Variants in PLPPR5 observed in about 807,000 individuals in gnomAD.
PLPPR5 encodes the protein phospholipid phosphatase related 5.
Under a neutral mutation model 33.9 loss-of-function variants are expected in PLPPR5, and 16 were observed. The observed-to-expected ratio is 0.47, with a 90% confidence interval of 0.32 to 0.72. PLPPR5 has a LOEUF of 0.72. Ranked by LOEUF, PLPPR5 falls within the 30% of genes least tolerant of loss-of-function variation. The pLI is 0.03. For synonymous variants in PLPPR5, 163 were observed against 150.3 expected (o/e 1.08, Z -0.62); for missense variants, 301 against 406.7 (o/e 0.74, Z 2.23).
At chr1:98,945,051 A>G (rs928390128) in intron 3 of PLPPR5, among the ~76,000 whole-genome samples, 1 of 152,194 alleles carries the variant, frequency 6.6e-6, no homozygotes, top group African/African-American at 2.4e-5. Context: ...ATTACCTACC[A>G]TGGAGTTCTA....
chr1:98,920,592 C>A (rs1204800900), intron 4 of PLPPR5, among the ~76,000 whole-genome samples: 3 of 13,674 alleles, frequency 2.2e-4, no homozygotes, highest in Non-Finnish European at 2.2e-4. Flanking sequence ...AGTGGTATCA[C>A]CAAAAAAAAA....
chr1:98,970,180 G>A (rs1227444869), intron 1 of PLPPR5, among the ~76,000 whole-genome samples: 1 of 151,916 alleles, frequency 6.6e-6, no homozygotes, highest in Non-Finnish European at 1.5e-5. Flanking sequence ...GATTACATAG[G>A]AAATCCTTAT....
At chr1:98,937,589 T>C (rs1337130598) in intron 3 of PLPPR5, among the ~76,000 whole-genome samples, 2 of 152,062 alleles carry the variant, frequency 1.3e-5, no homozygotes, top group Non-Finnish European at 2.9e-5. Context: ...TAGGCTGTTG[T>C]GGTCTTCACC....
intron 3 of PLPPR5, among the ~76,000 whole-genome samples, chr1:98,925,750 G>C (rs1037463032): frequency 6.6e-6 from 1 of 152,164 alleles, no homozygotes; most frequent in Admixed American, 6.5e-5. Context: ...GCTGTGCTAG[G>C]TTTCTTCAAA....
chr1:98,991,404 T>G (rs1046289774), intron 1 of PLPPR5: 17 of 152,132 alleles, frequency 1.1e-4, no homozygotes, highest in Admixed American at 1.1e-3. Context: ...CACTTTCTAC[T>G]CCATTTTCTA....
At chr1:98,966,769 T>C (rs1651463959) in intron 1 of PLPPR5, among the ~76,000 whole-genome samples, 1 of 152,274 alleles carries the variant, frequency 6.6e-6, no homozygotes, top group Admixed American at 6.5e-5. Context: ...AAGAAACACA[T>C]GAAGCTGCCA....
chr1:98,958,373 T>G (rs1422473019), intron 1 of PLPPR5, among the ~76,000 whole-genome samples: 3 of 151,424 alleles, frequency 2.0e-5, no homozygotes, highest in African/African-American at 7.2e-5. Context: ...CTTTCATCCT[T>G]CTTTCTACCC....
chr1:98,963,953 G>A (rs1227434631), intron 1 of PLPPR5, among the ~76,000 whole-genome samples: 2 of 152,096 alleles, frequency 1.3e-5, no homozygotes, highest in Non-Finnish European at 2.9e-5. Context: ...ATGTCTTCAT[G>A]TCTTCTTTGC....
intron 1 of PLPPR5, among the ~76,000 whole-genome samples, chr1:98,994,697 T>C (rs921179726): frequency 1.3e-4 from 20 of 152,122 alleles, no homozygotes; most frequent in African/African-American, 4.1e-4. Flanking sequence ...GTCACCAGCA[T>C]TTTATCAGAA....
chr1:98,998,356 C>T (rs964417695), intron 1 of PLPPR5, among the ~76,000 whole-genome samples: 5 of 152,114 alleles, frequency 3.3e-5, no homozygotes, highest in African/African-American at 1.2e-4. Context: ...GCTTATAGCA[C>T]TGTAGTAGTG....
chr1:98,922,155 A>C (rs1284621678), intron 3 of PLPPR5, 97 bp from the exon 4 acceptor site: 6 of 1,096,192 alleles, frequency 5.5e-6, no homozygotes, highest in Non-Finnish European at 6.5e-6. Flanking sequence ...TTATAGACAT[A>C]TATACGCCTG....
At chr1:98,939,543 C>T (rs947033529) in intron 3 of PLPPR5, among the ~76,000 whole-genome samples, 1 of 151,956 alleles carries the variant, frequency 6.6e-6, no homozygotes, top group African/African-American at 2.4e-5. Flanking sequence ...ACCACCAAAA[C>T]TAAACAAAAA....
intron 4 of PLPPR5, among the ~76,000 whole-genome samples, chr1:98,920,944 A>G (rs1407786366): frequency 6.6e-6 from 1 of 152,118 alleles, no homozygotes; most frequent in African/African-American, 2.4e-5. Context: ...GAATAGAGGG[A>G]AGTTCAGGCT....
At chr1:98,909,721 A>G (rs1332168421) in intron 5 of PLPPR5, among the ~76,000 whole-genome samples, 1 of 152,176 alleles carries the variant, frequency 6.6e-6, no homozygotes, top group East Asian at 1.9e-4. Flanking sequence ...GAGCAGAAGC[A>G]CTACACTACA....
At chr1:98,999,999 C>T (rs1185206590) in intron 1 of PLPPR5, among the ~76,000 whole-genome samples, 1 of 152,058 alleles carries the variant, frequency 6.6e-6, no homozygotes, top group East Asian at 1.9e-4. Flanking sequence ...ATCTATGTTG[C>T]TCAGAGATCT....
intron 1 of PLPPR5, among the ~76,000 whole-genome samples, chr1:98,976,058 C>G (rs1651838071): frequency 7.5e-6 from 1 of 133,470 alleles, no homozygotes; most frequent in African/African-American, 2.9e-5. Context: ...ATCTGTAAGG[C>G]ACGTGCTGAA....
intron 3 of PLPPR5, among the ~76,000 whole-genome samples, chr1:98,941,029 G>A (rs765717935): frequency 2.0e-5 from 3 of 151,806 alleles, no homozygotes; most frequent in African/African-American, 7.2e-5. Flanking sequence ...CAAGTTAGGC[G>A]TAAAGTCTGG....
chr1:98,937,351 T>C (rs1650207726), intron 3 of PLPPR5, among the ~76,000 whole-genome samples: 1 of 152,160 alleles, frequency 6.6e-6, no homozygotes, highest in African/African-American at 2.4e-5. Context: ...ATCTTCCCTA[T>C]CAAGAGGTAG....
At chr1:98,957,000 G>T (rs71659118) in intron 1 of PLPPR5, among the ~76,000 whole-genome samples, 16,432 of 151,738 alleles carry the variant, frequency 0.11, 1,008 homozygotes, top group East Asian at 0.22. Flanking sequence ...GGAATACTAT[G>T]CAGCCATAAA....
Sources: gnomAD v4.1 joint callset for allele counts (sites outside exome capture counted in the v4.1 genomes callset) on GRCh38, gnomAD v4.1.1 for gene constraint, MANE v1.5 for transcripts, NCBI Gene and HGNC (gene_info 2026-07-23, HGNC 2026-07-21) for gene names.